Variants in ARK2C observed in about 807,000 individuals in gnomAD.
The protein encoded by ARK2C is E3 ubiquitin-protein ligase ARK2C.
the ARK2C span, among the ~76,000 whole-genome samples, chr18:46,346,341 A>T: frequency 6.6e-6 from 1 of 152,226 alleles, no homozygotes; most frequent in Non-Finnish European, 1.5e-5. Context: ...ACTACAATTC[A>T]GTGGCATTAC....
the ARK2C span, among the ~76,000 whole-genome samples, chr18:46,360,752 A>G: frequency 6.6e-6 from 1 of 151,978 alleles, no homozygotes; most frequent in African/African-American, 2.4e-5. Context: ...TTGCCCTCTA[A>G]TACGCCTGGG....
chr18:46,429,718 ACTCT>A, the ARK2C span, among the ~76,000 whole-genome samples: 5 of 150,918 alleles, frequency 3.3e-5, no homozygotes, highest in East Asian at 7.7e-4. Flanking sequence ...TTCTTACCAA[ACTCT>A]CTATCACATT....
the ARK2C span, among the ~76,000 whole-genome samples, chr18:46,357,135 G>C: frequency 2.6e-5 from 4 of 152,204 alleles, no homozygotes; most frequent in Non-Finnish European, 5.9e-5. Flanking sequence ...TATCATTAAA[G>C]AGGACAGAAT....
the ARK2C span, among the ~76,000 whole-genome samples, chr18:46,389,491 G>C: frequency 6.6e-6 from 1 of 152,158 alleles, no homozygotes; most frequent in Non-Finnish European, 1.5e-5. Flanking sequence ...GGGACCCCTG[G>C]CTCAAGGCCC....
At chr18:46,363,569 G>T in the ARK2C span, among the ~76,000 whole-genome samples, 1 of 152,146 alleles carries the variant, frequency 6.6e-6, no homozygotes, top group Non-Finnish European at 1.5e-5. Flanking sequence ...CCTCCCTCCT[G>T]TGTGCTGGTT....
the ARK2C span, among the ~76,000 whole-genome samples, chr18:46,379,374 T>G: frequency 6.6e-6 from 1 of 152,262 alleles, no homozygotes; most frequent in African/African-American, 2.4e-5. Flanking sequence ...TAAGCGCTGG[T>G]TTCTTTTCAG....
chr18:46,462,949 T>C, the ARK2C span: 1 of 152,302 alleles, frequency 6.6e-6, no homozygotes, highest in African/African-American at 2.4e-5. Flanking sequence ...TCTGTTGTGC[T>C]GTGCAACATT....
At chr18:46,453,895 T>A in the ARK2C span, among the ~76,000 whole-genome samples, 1 of 151,576 alleles carries the variant, frequency 6.6e-6, no homozygotes, top group African/African-American at 2.4e-5. Context: ...GGAGGATAGA[T>A]TGAGCCCAGG....
chr18:46,372,647 C>T, the ARK2C span, among the ~76,000 whole-genome samples: 1 of 152,228 alleles, frequency 6.6e-6, no homozygotes, highest in Non-Finnish European at 1.5e-5. Flanking sequence ...GGTTGGGGGT[C>T]TCCTGTTAGA....
the ARK2C span, among the ~76,000 whole-genome samples, chr18:46,412,268 A>G: frequency 6.6e-6 from 1 of 152,242 alleles, no homozygotes; most frequent in Admixed American, 6.5e-5. Context: ...TCCTGGGGCC[A>G]TGGGGTCAAG....
At chr18:46,401,287 T>C in the ARK2C span, among the ~76,000 whole-genome samples, 1 of 152,058 alleles carries the variant, frequency 6.6e-6, no homozygotes, top group Non-Finnish European at 1.5e-5. Flanking sequence ...CCACACCAAA[T>C]TCCAGCTGAT....
At chr18:46,388,776 C>T in the ARK2C span, among the ~76,000 whole-genome samples, 4 of 152,140 alleles carry the variant, frequency 2.6e-5, no homozygotes, top group South Asian at 6.2e-4. Context: ...TTCCATTTCC[C>T]GAGTGAGGGG....
chr18:46,452,056 A>G, the ARK2C span, among the ~76,000 whole-genome samples: 4 of 152,290 alleles, frequency 2.6e-5, no homozygotes, highest in East Asian at 1.9e-4. Flanking sequence ...AGTATTTGGT[A>G]TCATACTCTA....
At chr18:46,334,482 GGGGACCCCCGA>G in the ARK2C span, 1 of 628,496 alleles carries the variant, frequency 1.6e-6, no homozygotes, top group Non-Finnish European at 2.4e-6. The surrounding 1 kb of genome is among the most constrained non-coding windows in gnomAD (Gnocchi z 4.4). Context: ...CCCATTTTAG[GGGGACCCCCGA>G]GGGTGGGGGC....
chr18:46,369,354 T>G, the ARK2C span, among the ~76,000 whole-genome samples: 1 of 148,032 alleles, frequency 6.8e-6, no homozygotes, highest in African/African-American at 2.5e-5. Flanking sequence ...GCAGAGAGTG[T>G]TGTAGAATCC....
the ARK2C span, chr18:46,335,647 CG>C: frequency 6.6e-6 from 1 of 150,950 alleles, no homozygotes; most frequent in South Asian, 2.1e-4. Flanking sequence ...TCTACCAAGT[CG>C]GGGTGGGGGG....
At chr18:46,402,510 T>C in the ARK2C span, among the ~76,000 whole-genome samples, 1 of 151,766 alleles carries the variant, frequency 6.6e-6, no homozygotes. Flanking sequence ...GCTTTCTACA[T>C]GTGTGTGTTT....
the ARK2C span, among the ~76,000 whole-genome samples, chr18:46,366,909 C>T: frequency 5.3e-5 from 8 of 152,186 alleles, no homozygotes; most frequent in Non-Finnish European, 8.8e-5. Flanking sequence ...AGCAAAAGGT[C>T]TTCTGTGTCT....
At chr18:46,420,223 A>G in the ARK2C span, among the ~76,000 whole-genome samples, 1 of 152,180 alleles carries the variant, frequency 6.6e-6, no homozygotes, top group Non-Finnish European at 1.5e-5. Context: ...CCATGGTCCA[A>G]GCTCTTCTTC....
Sources: gnomAD v4.1 joint callset for allele counts (sites outside exome capture counted in the v4.1 genomes callset) on GRCh38, gnomAD v4.1.1 for gene constraint, Gnocchi (gnomAD v3.1) non-coding constraint, MANE v1.5 for transcripts, NCBI Gene and HGNC (gene_info 2026-07-23, HGNC 2026-07-21) for gene names.